The following GALNT5 variants were observed in gnomAD, a reference collection of about 807,000 sequenced individuals.
GALNT5 encodes UDP-GalNAc:polypeptide N-acetylgalactosaminyltransferase 5.
A neutral mutation model predicts 85.4 loss-of-function variants in GALNT5; 72 were observed. The observed-to-expected ratio is 0.84, with a 90% CI of 0.70 to 1.03. GALNT5 has a LOEUF of 1.03. Ranked by LOEUF, GALNT5 falls within the 50% of genes least tolerant of loss-of-function variation. The probability of loss-of-function intolerance (pLI) is 0.00; values close to 1 mark genes in which losing one functional copy is unlikely to be tolerated. For missense variants in GALNT5, 1,137 were observed against 1,135.5 expected, an observed-to-expected ratio of 1.00 and a Z score of -0.02; for synonymous variants, 404 against 397.0, an observed-to-expected ratio of 1.02 and a Z score of -0.21.
At chr2:157,290,639 A>G (rs547047924) in intron 3 of GALNT5, among the ~76,000 whole-genome samples, 1 of 152,280 alleles carries the variant, frequency 6.6e-6, no homozygotes, top group East Asian at 1.9e-4. Context: ...GAGTTTAAAG[A>G]TAAGAATCTG....
rs1203725844 is a variant in GALNT5, at chr2:157,317,194, A to ATTTT, written c.*5847_*5848insTTTT. ...TGTGTGTATATATATATATATATAT[A>ATTTT]TATATTTTTTTTTTTGATGCTTTGA... On this transcript the variant is annotated 3_prime_UTR_variant, in exon 10 of 10. Coordinates refer to ENST00000259056, the MANE Select transcript of GALNT5 (RefSeq NM_014568.3). Among the ~76,000 whole-genome samples, 1 of 132,826 alleles carries ATTTT rather than the reference A, an allele frequency of 7.5e-6. No individual in the cohort carries two copies. Among genetic ancestry groups the ATTTT allele is most frequent in the East Asian group, 2.0e-4 (1 of 4,904 alleles). The allele number at this position is 132,826 out of a possible 152,430, so 87.1% of individuals were successfully genotyped here.
intron 7 of GALNT5, 70 bp downstream of exon 7, chr2:157,301,069 T>A: frequency 1.9e-6 from 2 of 1,068,310 alleles, no homozygotes; most frequent in Non-Finnish European, 2.8e-6. Context: ...CAAAAATGTG[T>A]GGAAAGAATG....
At chr2:157,278,885 G>A (rs868170253) in intron 1 of GALNT5, among the ~76,000 whole-genome samples, 2 of 152,184 alleles carry the variant, frequency 1.3e-5, no homozygotes, top group South Asian at 2.1e-4. Context: ...TCCTTTGGAG[G>A]AGAAGAGGTG....
chr2:157,284,208 ACT>A, intron 1 of GALNT5, 72 bp from the exon 2 acceptor site: 1 of 1,233,614 alleles, frequency 8.1e-7, no homozygotes, highest in African/African-American at 1.5e-5. Context: ...ACACCATCGC[ACT>A]CTGTGACTTT....
intron 2 of GALNT5, among the ~76,000 whole-genome samples, chr2:157,284,812 G>C (rs959278101): frequency 1.3e-5 from 2 of 152,204 alleles, no homozygotes; most frequent in African/African-American, 4.8e-5. Context: ...GTAATAACTA[G>C]AGTTACAGTT....
At chr2:157,271,584 T>C (rs1373549979) in intron 1 of GALNT5, among the ~76,000 whole-genome samples, 7 of 152,204 alleles carry the variant, frequency 4.6e-5, no homozygotes, top group African/African-American at 1.4e-4. Context: ...TAGAAGTTGA[T>C]GGATTGATTG....
chr2:157,304,101 G>A (rs1024017038), intron 7 of GALNT5, among the ~76,000 whole-genome samples: 1 of 152,160 alleles, frequency 6.6e-6, no homozygotes, highest in Non-Finnish European at 1.5e-5. Context: ...CTCTGCTTCA[G>A]TACAGAGAGC....
In GALNT5 at chr2:157,277,392, A is replaced by C. The variant is rs553047670; in HGVS notation, c.1455-6890A>C. Among the ~76,000 whole-genome samples the C allele has an allele frequency of 5.3e-5, 8 of 152,250 alleles. No homozygotes were observed. The East Asian group carries it at 1.5e-3, about 29-fold the overall frequency. On this transcript the variant is annotated intron_variant, in intron 1 of 9. Transcript: ENST00000259056. ...GATATCCCTGTTAACCTTCTGTCTC[A>C]TTGATCTGTCTAATATTGACAGTGG... is the stretch of plus-strand genomic sequence containing the variant.
chr2:157,260,952 T>C (rs992777782), intron 1 of GALNT5, among the ~76,000 whole-genome samples: 2 of 152,180 alleles, frequency 1.3e-5, no homozygotes, highest in Non-Finnish European at 2.9e-5. Flanking sequence ...GGATGCTAGA[T>C]TGCCTGTGGT....
chr2:157,259,614 T>C, intron 1 of GALNT5, 78 bp downstream of exon 1: 1 of 1,061,740 alleles, frequency 9.4e-7, no homozygotes, highest in Non-Finnish European at 1.3e-6. Context: ...TGCTAGATAA[T>C]TCTGTGTGAT....
intron 1 of GALNT5, among the ~76,000 whole-genome samples, chr2:157,278,459 A>C (rs780318585): frequency 6.6e-6 from 1 of 152,104 alleles, no homozygotes; most frequent in Non-Finnish European, 1.5e-5. Context: ...CTAATCAAAC[A>C]TAGATTTGGT....
intron 1 of GALNT5, among the ~76,000 whole-genome samples, chr2:157,280,562 G>T (rs1015631980): frequency 6.6e-6 from 1 of 152,220 alleles, no homozygotes; most frequent in Non-Finnish European, 1.5e-5. Context: ...GTGGTAATTT[G>T]TCATGGCAGT....
intron 3 of GALNT5, among the ~76,000 whole-genome samples, chr2:157,286,585 C>G (rs1243874130): frequency 2.0e-5 from 3 of 152,144 alleles, no homozygotes; most frequent in Non-Finnish European, 4.4e-5. Flanking sequence ...CTCACCACAA[C>G]CTCCGCCTCC....
chr2:157,308,373 A>G (rs6437054), intron 8 of GALNT5, among the ~76,000 whole-genome samples, 194 bp from the exon 9 acceptor site: 111,943 of 152,238 alleles, frequency 0.74, 45,904 homozygotes, highest in Non-Finnish European at 0.92. Flanking sequence ...CTTAAAAATA[A>G]TTAGAAAAAT....
chr2:157,270,779 T>C (rs1398594215), intron 1 of GALNT5, among the ~76,000 whole-genome samples: 1 of 152,194 alleles, frequency 6.6e-6, no homozygotes, highest in African/African-American at 2.4e-5. Flanking sequence ...ATGAATGCTG[T>C]GACAGAAACA....
At chr2:157,289,917 C>T (rs903886173) in intron 3 of GALNT5, among the ~76,000 whole-genome samples, 1 of 151,344 alleles carries the variant, frequency 6.6e-6, no homozygotes, top group Non-Finnish European at 1.5e-5. Context: ...ACTAAAAATA[C>T]AAAAAAATTA....
rs146162684 is a variant in GALNT5, at chr2:157,261,479, G to A, written c.1454+1943G>A. Among the ~76,000 whole-genome samples, 57 of 152,258 alleles carry A rather than the reference G, an allele frequency of 3.7e-4. 1 individual carries two copies. In the East Asian group the frequency reaches 9.6e-3, roughly 26 times the overall value. On this transcript the variant is annotated intron_variant, in intron 1 of 9. Coordinates refer to ENST00000259056, the MANE Select transcript of GALNT5 (RefSeq NM_014568.3). ...CCAACTGTAGGAAAAATTGACACAT[G>A]TGCTTGAGAGGATGAGTCAGAGAGC...
chr2:157,298,995 A>C (rs1400010481), intron 5 of GALNT5: 2 of 152,784 alleles, frequency 1.3e-5, no homozygotes, highest in Admixed American at 1.3e-4. Flanking sequence ...GCCCTCCTCT[A>C]TCAGGGATGG....
Position 157,258,308 on chromosome 2 carries a change from C to T in GALNT5, c.226C>T (p.Pro76Ser). The T allele has an allele frequency of 1.3e-6, 2 of 1,595,714 alleles. No individual in the cohort carries two copies. Among genetic ancestry groups the T allele is most frequent in the Non-Finnish European group, 1.7e-6 (2 of 1,173,050 alleles). Residue 76 changes from proline to serine, a missense_variant, in exon 1 of 10, where the codon CCT becomes TCT. Transcript: ENST00000259056. ...TTACAGCAGCATAAAAGAGATGAAA[C>T]CTCCCCTAAGGGGACATGGGAAAGG... ...IFYSSIKEMK[P>S]PLRGHGKGAW...
Sources: gnomAD v4.1 joint callset for allele counts (sites outside exome capture counted in the v4.1 genomes callset) on GRCh38, gnomAD v4.1.1 for gene constraint, MANE v1.5 for transcripts, NCBI Gene and HGNC (gene_info 2026-07-23, HGNC 2026-07-21) for gene names.